Variants in SDHC observed in about 807,000 individuals in gnomAD.
SDHC encodes succinate dehydrogenase cytochrome b560 subunit, mitochondrial.
SDHC carries 11 observed loss-of-function variants against 22.6 expected under a neutral mutation model. The observed-to-expected ratio is 0.49, with a 90% confidence interval of 0.31 to 0.81. SDHC has a LOEUF of 0.81. SDHC is among the 30% of genes least tolerant of loss of function. The pLI is 0.05. For synonymous variants in SDHC, 80 were observed against 77.8 expected (o/e 1.03, Z -0.15); for missense variants, 160 against 212.0 (o/e 0.75, Z 1.52).
At chr1:161,327,904 T>C (rs1558166950) in intron 2 of SDHC, among the ~76,000 whole-genome samples, 2 of 151,984 alleles carry the variant, frequency 1.3e-5, no homozygotes, top group African/African-American at 2.4e-5. Flanking sequence ...ATTTTCTGTT[T>C]TCTGTTGCTA....
chr1:161,325,601 A>G (rs1371087414), intron 2 of SDHC, among the ~76,000 whole-genome samples: 2 of 152,182 alleles, frequency 1.3e-5, no homozygotes, highest in East Asian at 3.9e-4. Context: ...GATCACCTGG[A>G]TGGGGCAATG....
chr1:161,325,323 CAT>C (rs1671010210), intron 2 of SDHC, among the ~76,000 whole-genome samples: 1 of 151,424 alleles, frequency 6.6e-6, no homozygotes, highest in African/African-American at 2.4e-5. Flanking sequence ...GCCTGGGCAA[CAT>C]AGGGATACCC....
intron 5 of SDHC, among the ~76,000 whole-genome samples, chr1:161,359,673 G>A (rs1338589782): frequency 2.6e-5 from 4 of 152,224 alleles, no homozygotes; most frequent in Non-Finnish European, 5.9e-5. Context: ...TGAGGGAAGT[G>A]AAGAACCTAA....
intron 3 of SDHC, among the ~76,000 whole-genome samples, chr1:161,336,481 T>C (rs1671487333): frequency 1.3e-5 from 2 of 151,766 alleles, no homozygotes; most frequent in Non-Finnish European, 2.9e-5. Flanking sequence ...TGGGGAAGAA[T>C]TATAATGAAA....
intron 3 of SDHC, among the ~76,000 whole-genome samples, chr1:161,338,262 A>G (rs1671570074): frequency 6.6e-6 from 1 of 152,002 alleles, no homozygotes; most frequent in South Asian, 2.1e-4. Flanking sequence ...AGTGGTATCT[A>G]GTTAGTATTA....
chr1:161,358,203 AT>A (rs200683910), intron 5 of SDHC, among the ~76,000 whole-genome samples: 13,588 of 140,298 alleles, frequency 0.097, 741 homozygotes, highest in East Asian at 0.19. Flanking sequence ...CGGCCAGCTA[AT>A]TTTTTTTTTT....
intron 1 of SDHC, among the ~76,000 whole-genome samples, chr1:161,315,649 C>G (rs1670580963): frequency 6.6e-6 from 1 of 152,168 alleles, no homozygotes; most frequent in African/African-American, 2.4e-5. Context: ...AGCTGAGGAT[C>G]ATTATAGTCA....
At chr1:161,315,446 G>A (rs1670572512) in intron 1 of SDHC, among the ~76,000 whole-genome samples, 1 of 152,148 alleles carries the variant, frequency 6.6e-6, no homozygotes, top group African/African-American at 2.4e-5. Flanking sequence ...TTCTGTCTAA[G>A]GTATGCCAAG....
At chr1:161,339,485 A>G in intron 3 of SDHC, 1 of 791,796 alleles carries the variant, frequency 1.3e-6, no homozygotes, top group Non-Finnish European at 1.8e-6. Flanking sequence ...GCCAGCTCCA[A>G]CTTTAATGAG....
intron 3 of SDHC, among the ~76,000 whole-genome samples, chr1:161,334,791 G>A (rs1321304519): frequency 6.6e-6 from 1 of 152,032 alleles, no homozygotes; most frequent in South Asian, 2.1e-4. Context: ...CCCCTTTGCC[G>A]TAAAAGGTAA....
At chr1:161,339,972 G>A (rs1558174078) in intron 3 of SDHC, among the ~76,000 whole-genome samples, 2 of 151,792 alleles carry the variant, frequency 1.3e-5, no homozygotes, top group Non-Finnish European at 2.9e-5. Context: ...GAGGCACCGC[G>A]CCTGGCCCAG....
intron 3 of SDHC, among the ~76,000 whole-genome samples, chr1:161,338,914 T>C (rs1671596802): frequency 6.6e-6 from 1 of 152,094 alleles, no homozygotes; most frequent in Admixed American, 6.5e-5. Flanking sequence ...AGTGGCGTGA[T>C]CTCCATTTAC....
At chr1:161,339,609 A>G in intron 3 of SDHC, 1 of 1,134,452 alleles carries the variant, frequency 8.8e-7, no homozygotes, top group African/African-American at 1.7e-5. Flanking sequence ...TTCTCCATAA[A>G]TCAGTTTTCT....
chr1:161,361,137 A>G (rs112395017), intron 5 of SDHC, among the ~76,000 whole-genome samples: 17,828 of 152,070 alleles, frequency 0.12, 1,421 homozygotes, highest in African/African-American at 0.22. Context: ...CAGAGGCAGG[A>G]GGATAGCTTG....
intron 4 of SDHC, among the ~76,000 whole-genome samples, chr1:161,341,127 A>G (rs545766316): frequency 6.6e-6 from 1 of 152,346 alleles, no homozygotes; most frequent in African/African-American, 2.4e-5. Context: ...GACATGAGCC[A>G]CTGTGCCTGG....
chr1:161,334,927 C>T (rs761021142), intron 3 of SDHC, among the ~76,000 whole-genome samples: 22 of 152,174 alleles, frequency 1.4e-4, no homozygotes, highest in Non-Finnish European at 2.5e-4. Flanking sequence ...AAAGTACAAC[C>T]ATCACAATGT....
chr1:161,319,109 T>C (rs1245280340), intron 1 of SDHC, among the ~76,000 whole-genome samples: 1 of 152,148 alleles, frequency 6.6e-6, no homozygotes, highest in Admixed American at 6.5e-5. Flanking sequence ...TAATCCCAGC[T>C]ACTCAGAAGG....
intron 4 of SDHC, among the ~76,000 whole-genome samples, chr1:161,345,199 T>C (rs971592113): frequency 3.3e-5 from 5 of 152,234 alleles, no homozygotes; most frequent in African/African-American, 1.2e-4. Flanking sequence ...GGCAAAATTA[T>C]TTCCTACCTG....
chr1:161,336,930 C>T (rs563860029), intron 3 of SDHC, among the ~76,000 whole-genome samples: 9 of 152,022 alleles, frequency 5.9e-5, no homozygotes, highest in South Asian at 2.1e-4. Flanking sequence ...AGTGCAGTGG[C>T]GTGATCACGG....
Sources: allele counts gnomAD v4.1 joint callset (sites outside exome capture counted in the v4.1 genomes callset), GRCh38; gene constraint gnomAD v4.1.1; transcripts MANE v1.5; gene names NCBI Gene and HGNC (gene_info 2026-07-23, HGNC 2026-07-21).